The following HELB variants were observed in gnomAD, a reference collection of about 807,000 sequenced individuals.
HELB encodes DNA helicase B.
In HELB, 96 loss-of-function variants were observed where a neutral mutation model predicts 101.7. The observed-to-expected ratio is 0.94, with a 90% confidence interval of 0.80 to 1.12. The LOEUF is 1.12. HELB is among the 50% of genes most tolerant of loss of function. HELB has a pLI of 0.00. For missense variants in HELB, 1,210 were observed against 1,291.9 expected, an observed-to-expected ratio of 0.94 and a Z score of 0.97; for synonymous variants, 437 against 459.7, an observed-to-expected ratio of 0.95 and a Z score of 0.63.
intron 12 of HELB, among the ~76,000 whole-genome samples, chr12:66,332,805 G>A (rs533772953): frequency 5.3e-5 from 8 of 152,252 alleles, no homozygotes; most frequent in South Asian, 4.2e-4. Flanking sequence ...AGACTCCCAG[G>A]TGCCTACAAC....
intron 1 of HELB, 87 bp from the exon 2 acceptor site, chr12:66,304,644 G>T: frequency 8.2e-7 from 1 of 1,219,996 alleles, no homozygotes; most frequent in Non-Finnish European, 1.1e-6. Context: ...ATTAAAGATA[G>T]TGGTAAGTTT....
chr12:66,323,435 G>A (rs1395390700), intron 9 of HELB, among the ~76,000 whole-genome samples: 3 of 152,136 alleles, frequency 2.0e-5, no homozygotes, highest in South Asian at 2.1e-4. Flanking sequence ...CTATAAAAGC[G>A]GGTATGGACA....
chr12:66,310,917 G>A (rs11176139), intron 4 of HELB, among the ~76,000 whole-genome samples: 92,212 of 151,846 alleles, frequency 0.61, 29,577 homozygotes, highest in Middle Eastern at 0.81. Flanking sequence ...GCAACAGAGC[G>A]AGACTCCATC....
At chr12:66,323,467 G>C (rs1245737151) in intron 9 of HELB, among the ~76,000 whole-genome samples, 1 of 152,178 alleles carries the variant, frequency 6.6e-6, no homozygotes, top group African/African-American at 2.4e-5. Flanking sequence ...TTACCAAGTT[G>C]TAGTAAGAAT....
At chr12:66,305,333 A>C (rs2053462206) in intron 2 of HELB, among the ~76,000 whole-genome samples, 183 bp downstream of exon 2, 1 of 152,222 alleles carries the variant, frequency 6.6e-6, no homozygotes, top group South Asian at 2.1e-4. Context: ...TGAAGGGATT[A>C]TATGAGCTGA....
rs2136996403 is a variant in HELB, at chr12:66,314,024, G to T, written c.1719G>T (p.Met573Ile). 2 of 1,613,782 alleles carry T rather than the reference G, an allele frequency of 1.2e-6. No individual in the cohort carries two copies. Among genetic ancestry groups the T allele is most frequent in the South Asian group, 2.2e-5 (2 of 91,036 alleles). Residue 573 changes from methionine to isoleucine, a missense_variant, in exon 5 of 13, where the codon ATG (methionine) becomes ATT (isoleucine). By Grantham distance (10) the Met-to-Ile change is conservative. Transcript: ENST00000247815. Reference protein sequence around the residue: ...YSFYSWTQTMMTTNKPWKFSS... With the variant: ...YSFYSWTQTMITTNKPWKFSS... The stretch of plus-strand genomic sequence containing the variant: ...TCTATTCATGGACTCAAACAATGAT[G>T]ACCACAAACAAACCATGGAAATTTT...
downstream of HELB, chr12:66,339,118 C>T (rs1409164497): frequency 6.6e-6 from 1 of 152,046 alleles, no homozygotes; most frequent in Admixed American, 6.6e-5. Context: ...ATTTATATCC[C>T]ACTGCTCAAA....
Position 66,324,977 on chromosome 12 carries a change from T to C in HELB, c.2527-6T>C. The C allele has an allele frequency of 6.2e-7, 1 of 1,612,340 alleles. No homozygotes were observed. Among genetic ancestry groups the C allele is most frequent in the Non-Finnish European group, 8.5e-7 (1 of 1,178,578 alleles). ...TATGCAAAATAGTTCTTTGGTTTGG[T>C]GACAGGATGTAACTGATGTAACTTT... On this transcript the variant is annotated splice_region_variant and splice_polypyrimidine_tract_variant and intron_variant, in intron 10 of 12. Transcript: ENST00000247815.
At chr12:66,314,269 G>A in intron 5 of HELB, 106 bp downstream of exon 5, 1 of 971,806 alleles carries the variant, frequency 1.0e-6, no homozygotes, top group East Asian at 2.4e-5. Context: ...TGATACCAAA[G>A]CTACACGAAG....
In HELB at chr12:66,338,105, T is replaced by G; in HGVS notation, c.*3T>G. Reference sequence around the variant, plus strand: ...CCACCGATAATCAAGAAACTTAGTTTTATTTCAAATTGTTCCGAGTAACTA... The same window carrying G: ...CCACCGATAATCAAGAAACTTAGTTGTATTTCAAATTGTTCCGAGTAACTA... On this transcript the variant is annotated 3_prime_UTR_variant, in exon 13 of 13. Transcript: ENST00000247815. 2.1e-6 allele frequency: 3 copies of G among 1,429,134 alleles called. No individual in the cohort carries two copies. In the South Asian group the frequency reaches 3.5e-5, roughly 16 times the overall value. 88.5% of individuals were successfully genotyped at this position (1,429,134 alleles called of 1,614,324 possible).
At chr12:66,314,201 C>A in intron 5 of HELB, 38 bp downstream of exon 5, 1 of 1,580,622 alleles carries the variant, frequency 6.3e-7, no homozygotes, top group Non-Finnish European at 8.7e-7. Flanking sequence ...ATGTTTATTT[C>A]AAAGTATTGT....
intron 4 of HELB, among the ~76,000 whole-genome samples, chr12:66,313,117 A>G (rs2053562303): frequency 6.6e-6 from 1 of 152,186 alleles, no homozygotes; most frequent in Admixed American, 6.5e-5. Context: ...CTGTGAGCAT[A>G]GGGGGTTTTG....
chr12:66,310,713 A>G (rs775067181), intron 4 of HELB, 105 bp downstream of exon 4: 1 of 1,015,024 alleles, frequency 9.9e-7, no homozygotes, highest in Non-Finnish European at 1.5e-6. Flanking sequence ...CGGGCAGATC[A>G]CAAGGTCAGG....
In HELB at chr12:66,315,371, A is replaced by T. The variant is rs1435080810; in HGVS notation, c.1988A>T (p.Asp663Val). 6.3e-7 allele frequency: 1 copy of T among 1,590,106 alleles called. No individual in the cohort carries two copies. The highest frequency in any genetic ancestry group is 8.5e-7 in the Non-Finnish European group (1 of 1,170,434). Residue 663 changes from aspartate to valine, a missense_variant, in exon 6 of 13, where the codon GAC becomes GTC. This residue lies in a region of HELB where 740 missense variants were observed against 728.8 expected (regional missense o/e 1.02). Transcript: ENST00000247815. ...NHRAESQLIV[D>V]NATRISRRQF... is the part of the protein sequence containing the mutation. ...AGAGCAGAATCTCAGCTCATTGTGGACAATGCTACAAGGTATAATATTACT... is the reference window on the plus strand; with the variant it reads ...AGAGCAGAATCTCAGCTCATTGTGGTCAATGCTACAAGGTATAATATTACT...
intron 12 of HELB, among the ~76,000 whole-genome samples, chr12:66,333,642 C>T (rs1046021890): frequency 3.3e-5 from 5 of 152,100 alleles, no homozygotes; most frequent in Non-Finnish European, 5.9e-5. Context: ...CGAGATTGCA[C>T]CACTGCACTC....
chr12:66,324,029 T>C lies in HELB; in HGVS notation c.2344T>C (p.Cys782Arg), dbSNP rs1222307834. The C allele has an allele frequency of 2.5e-6, 4 of 1,613,662 alleles. No homozygotes were observed. Among genetic ancestry groups the C allele is most frequent in the Non-Finnish European group, 3.4e-6 (4 of 1,179,712 alleles). The change falls in exon 10 of 13, where the codon TGT (cysteine) becomes CGT (arginine). Residue 782 changes from cysteine to arginine, a missense_variant. Cys to Arg is a radical substitution (Grantham distance 180). Transcript: ENST00000247815. ...TTTTGGAATTGGTGATAAAATTTGT[T>C]GTACCAGGAATGCATACCTCTCAGA... ...LVFGIGDKICCTRNAYLSDLL... is the reference protein window; with the variant it reads ...LVFGIGDKICRTRNAYLSDLL...
chr12:66,317,186 G>A (rs575444410), intron 6 of HELB, among the ~76,000 whole-genome samples: 16 of 150,150 alleles, frequency 1.1e-4, no homozygotes, highest in Admixed American at 7.3e-4. Context: ...GATAGAGCGC[G>A]ACTCCATCTC....
rs1310320063 is a variant in HELB, at chr12:66,306,453, A to C, written c.716A>C (p.Glu239Ala). 2 of 1,607,342 alleles carry C rather than the reference A, an allele frequency of 1.2e-6. No individual in the cohort carries two copies. Among genetic ancestry groups the C allele is most frequent in the South Asian group, 1.1e-5 (1 of 89,682 alleles). The change falls in exon 3 of 13, where the codon GAG becomes GCG. Residue 239 changes from glutamate to alanine, a missense_variant. Glu to Ala is a moderately radical substitution (Grantham distance 107). This residue lies in a region of HELB where 470 missense variants were observed against 563.1 expected (regional missense o/e 0.83). Transcript: ENST00000247815. ...FKWIIGSGSK[E>A]MLKEIEEILG... The stretch of plus-strand genomic sequence containing the variant: ...TGGATCATAGGGTCAGGTTCTAAAG[A>C]GATGTTGAAAGAGATAGAAGAGATT...
At chr12:66,329,485 T>C (rs981858313) in intron 11 of HELB, among the ~76,000 whole-genome samples, 5 of 152,010 alleles carry the variant, frequency 3.3e-5, no homozygotes, top group African/African-American at 1.2e-4. Flanking sequence ...TCCCTTGTGC[T>C]GGGTGGAGCA....
Sources: gnomAD v4.1 joint callset for allele counts (sites outside exome capture counted in the v4.1 genomes callset) on GRCh38, gnomAD v4.1.1 for gene constraint, gnomAD v4.1.1 regional missense constraint, MANE v1.5 for transcripts, NCBI Gene and HGNC (gene_info 2026-07-23, HGNC 2026-07-21) for gene names.